The following ESRRG variants were observed in gnomAD, a reference collection of about 807,000 sequenced individuals.
ESRRG encodes the protein estrogen related receptor gamma, also known as estrogen-related receptor gamma.
Under a neutral mutation model 44.0 loss-of-function variants are expected in ESRRG, and 13 were observed. That is an observed-to-expected ratio of 0.30 (90% confidence interval 0.19 to 0.47). The LOEUF (loss-of-function observed/expected upper bound fraction) is 0.47. ESRRG is among the 20% of genes least tolerant of loss of function. The pLI, the probability that ESRRG is intolerant of heterozygous loss-of-function variation, is 1.00. For synonymous variants in ESRRG, 215 were observed against 214.6 expected, an observed-to-expected ratio of 1.00 and a Z score of -0.02; for missense variants, 395 against 580.6, an observed-to-expected ratio of 0.68 and a Z score of 3.29.
At chr1:216,529,741 T>C (rs938927672) in intron 5 of ESRRG, among the ~76,000 whole-genome samples, 1 of 152,072 alleles carries the variant, frequency 6.6e-6, no homozygotes, top group Non-Finnish European at 1.5e-5. Flanking sequence ...ACACGTGAAG[T>C]TTAATAATAA....
At chr1:217,009,702 C>CTTTTTTTTTT (rs11325118) in intron 1 of ESRRG, among the ~76,000 whole-genome samples, 2 of 106,384 alleles carry the variant, frequency 1.9e-5, no homozygotes, top group Admixed American at 1.0e-4. Context: ...TTTTCTTTTT[C>CTTTTTTTTTT]TTTTTTTTTT....
At chr1:217,101,668 C>T (rs915951549) in intron 1 of ESRRG, among the ~76,000 whole-genome samples, 2 of 152,238 alleles carry the variant, frequency 1.3e-5, no homozygotes, top group African/African-American at 4.8e-5. Flanking sequence ...CCACCTCCCA[C>T]ATCAGCAAAC....
At chr1:216,935,088 T>C (rs1375502260) in intron 2 of ESRRG, among the ~76,000 whole-genome samples, 1 of 152,228 alleles carries the variant, frequency 6.6e-6, no homozygotes, top group Non-Finnish European at 1.5e-5. Context: ...CTGCTTTTCC[T>C]ACTCTCACAT....
At chr1:216,523,167 C>A (rs1419028598) in intron 5 of ESRRG, among the ~76,000 whole-genome samples, 1 of 152,194 alleles carries the variant, frequency 6.6e-6, no homozygotes, top group Non-Finnish European at 1.5e-5. Flanking sequence ...CCATTCCCTG[C>A]ATATCGCTGA....
At chr1:216,579,505 C>T (rs1202606019) in intron 3 of ESRRG, among the ~76,000 whole-genome samples, 1 of 152,094 alleles carries the variant, frequency 6.6e-6, no homozygotes, top group East Asian at 1.9e-4. Flanking sequence ...AGTCCATAGC[C>T]TGTATTTTTG....
intron 2 of ESRRG, among the ~76,000 whole-genome samples, chr1:216,744,691 G>A (rs2091184077): frequency 6.6e-6 from 1 of 152,152 alleles, no homozygotes; most frequent in Non-Finnish European, 1.5e-5. Context: ...AATACATGCT[G>A]TGTTACCTAT....
intron 2 of ESRRG, among the ~76,000 whole-genome samples, chr1:216,867,889 TC>T: frequency 6.6e-6 from 1 of 151,958 alleles, no homozygotes; most frequent in Non-Finnish European, 1.5e-5. Flanking sequence ...CCTACAAAAC[TC>T]CTACTAGCAA....
chr1:216,603,231 T>C (rs2059478193), intron 3 of ESRRG, among the ~76,000 whole-genome samples: 1 of 152,198 alleles, frequency 6.6e-6, no homozygotes, highest in African/African-American at 2.4e-5. Flanking sequence ...TCCCTCTTAT[T>C]TTTTTAACAA....
chr1:216,868,079 CTTTTTTTTT>C (rs58738849), intron 2 of ESRRG, among the ~76,000 whole-genome samples: 1 of 78,358 alleles, frequency 1.3e-5, no homozygotes, highest in Non-Finnish European at 2.2e-5. Context: ...TATATTGATC[CTTTTTTTTT>C]TTTTTTTTTT....
intron 2 of ESRRG, among the ~76,000 whole-genome samples, chr1:216,672,530 A>C (rs1445351518): frequency 6.6e-6 from 1 of 152,202 alleles, no homozygotes; most frequent in Admixed American, 6.5e-5. Context: ...CCAACTTTTT[A>C]AACGTATATA....
At chr1:216,831,614 C>T (rs187847190) in intron 2 of ESRRG, among the ~76,000 whole-genome samples, 10 of 151,778 alleles carry the variant, frequency 6.6e-5, no homozygotes, top group African/African-American at 1.7e-4. Context: ...GTGAATAATG[C>T]GACATTACTT....
chr1:216,845,330 G>A (rs1003293891), intron 2 of ESRRG, among the ~76,000 whole-genome samples: 35 of 152,216 alleles, frequency 2.3e-4, no homozygotes, highest in African/African-American at 7.2e-4. Flanking sequence ...AAACGTGCAA[G>A]AGCCTTTATC....
At position 216,969,956 on chromosome 1, in the gene ESRRG, G is replaced by A. The variant is rs76518019; in HGVS notation, c.-105-30283C>T. ...GAATGTTAAATTTGTGATGGAAGATGCCTTTCATAACTGAGGTGTGAATTC... is the reference window on the plus strand; with the variant it reads ...GAATGTTAAATTTGTGATGGAAGATACCTTTCATAACTGAGGTGTGAATTC... On this transcript the variant is annotated intron_variant, in intron 1 of 7. Coordinates refer to the ESRRG transcript ENST00000359162. Among the ~76,000 whole-genome samples, 231 of 152,262 alleles carry A rather than the reference G, an allele frequency of 1.5e-3. 4 individuals carry two copies. In the East Asian group the frequency reaches 0.039, roughly 26 times the overall value.
intron 1 of ESRRG, among the ~76,000 whole-genome samples, chr1:216,982,515 G>A (rs1201998288): frequency 1.3e-4 from 20 of 152,112 alleles, no homozygotes; most frequent in Non-Finnish European, 2.8e-4. Flanking sequence ...TGTACTCATG[G>A]ATAGAAATAC....
intron 1 of ESRRG, among the ~76,000 whole-genome samples, chr1:216,715,855 T>C (rs35085899): frequency 0.083 from 12,638 of 152,110 alleles, 701 homozygotes; most frequent in Middle Eastern, 0.17. Context: ...TCAAAAGCCA[T>C]GAAAAATGAG....
At chr1:216,639,829 C>T (rs2066026684) in intron 3 of ESRRG, among the ~76,000 whole-genome samples, 1 of 152,090 alleles carries the variant, frequency 6.6e-6, no homozygotes, top group Non-Finnish European at 1.5e-5. Context: ...TTGGGTTTTG[C>T]CATAGGTCCC....
At chr1:216,625,464 T>C (rs1414529) in intron 3 of ESRRG, among the ~76,000 whole-genome samples, 33,126 of 147,094 alleles carry the variant, frequency 0.23, 3,953 homozygotes, top group East Asian at 0.42. Flanking sequence ...TTGTTCTCCA[T>C]ATGAAGTTGA....
intron 1 of ESRRG, among the ~76,000 whole-genome samples, chr1:216,993,745 T>C (rs1261833021): frequency 1.3e-5 from 2 of 152,148 alleles, no homozygotes; most frequent in Admixed American, 6.5e-5. Context: ...TCAAAAAATA[T>C]TGGGTAGAGA....
chr1:216,951,063 G>A (rs2066874039), intron 1 of ESRRG, among the ~76,000 whole-genome samples: 1 of 152,184 alleles, frequency 6.6e-6, no homozygotes, highest in Non-Finnish European at 1.5e-5. Context: ...AAGACCAGCA[G>A]TAGCCATGAA....
Sources: allele counts gnomAD v4.1 joint callset (sites outside exome capture counted in the v4.1 genomes callset), GRCh38; gene constraint gnomAD v4.1.1; transcripts MANE v1.5; gene names NCBI Gene and HGNC (gene_info 2026-07-23, HGNC 2026-07-21).